Variants in TASP1 observed in about 807,000 individuals in gnomAD.
TASP1 encodes taspase 1, also known as threonine aspartase 1.
Under a neutral mutation model 56.6 loss-of-function variants are expected in TASP1, and 16 were observed. That is an observed-to-expected ratio of 0.28 (90% CI 0.19 to 0.43). The LOEUF is 0.43. TASP1 is among the 20% of genes least tolerant of loss of function. The pLI, the probability that TASP1 is intolerant of heterozygous loss-of-function variation, is 1.00. For synonymous variants in TASP1, 179 were observed against 184.2 expected (o/e 0.97, Z 0.23); for missense variants, 393 against 511.6 (o/e 0.77, Z 2.24).
intron 11 of TASP1, among the ~76,000 whole-genome samples, chr20:13,436,425 A>T (rs936680401): frequency 6.6e-6 from 1 of 152,048 alleles, no homozygotes. Context: ...CTGCAAGCCC[A>T]TAATCTTTAT....
At chr20:13,140,490 T>A in the TASP1 span, among the ~76,000 whole-genome samples, 142 of 152,318 alleles carry the variant, frequency 9.3e-4, no homozygotes, top group African/African-American at 3.0e-3. Flanking sequence ...AACTAGAGAC[T>A]TCCTATCAGG....
intron 11 of TASP1, among the ~76,000 whole-genome samples, chr20:13,440,604 A>G (rs561650049): frequency 1.3e-5 from 2 of 152,200 alleles, no homozygotes; most frequent in South Asian, 2.1e-4. Context: ...AAGAAATGAA[A>G]TGGAATCACA....
At chr20:13,315,325 G>A in the TASP1 span, among the ~76,000 whole-genome samples, 813 of 152,036 alleles carry the variant, frequency 5.3e-3, 8 homozygotes, top group African/African-American at 0.019. Context: ...ATAAGGCCAC[G>A]TAGAAAGGTA....
At chr20:13,532,084 C>T (rs1243615293) in intron 9 of TASP1, among the ~76,000 whole-genome samples, 1 of 152,040 alleles carries the variant, frequency 6.6e-6, no homozygotes, top group Non-Finnish European at 1.5e-5. Flanking sequence ...CTCTCACCTT[C>T]TCTACTTCTC....
intron 10 of TASP1, among the ~76,000 whole-genome samples, chr20:13,509,973 A>T (rs2044267605): frequency 6.6e-6 from 1 of 152,146 alleles, no homozygotes. Context: ...TCAAAAAACT[A>T]CCTACTGGGT....
At chr20:13,253,450 CTG>C in the TASP1 span, among the ~76,000 whole-genome samples, 13 of 152,180 alleles carry the variant, frequency 8.5e-5, no homozygotes, top group Non-Finnish European at 1.3e-4. Flanking sequence ...TTTGAGAGCG[CTG>C]TGTTTCCTGG....
chr20:13,270,714 G>A, the TASP1 span: 1 of 1,613,866 alleles, frequency 6.2e-7, no homozygotes, highest in South Asian at 1.1e-5. Flanking sequence ...TTCCAAAGCT[G>A]ATATCAATGG....
the TASP1 span, among the ~76,000 whole-genome samples, chr20:13,306,564 C>CAAAAAAAAAAAAAAAAAAAAGAAAAAA: frequency 3.1e-5 from 2 of 63,914 alleles, no homozygotes; most frequent in Non-Finnish European, 5.3e-5. Flanking sequence ...GGAGAAAGGA[C>CAAAAAAAAAAAAAAAAAAAAGAAAAAA]AAAAAAAAAA....
intron 4 of TASP1, among the ~76,000 whole-genome samples, chr20:13,606,920 C>T (rs2048182480): frequency 6.6e-6 from 1 of 150,712 alleles, no homozygotes; most frequent in South Asian, 2.1e-4. Flanking sequence ...AATGAATGAA[C>T]AGCAGTTAAT....
At chr20:13,117,758 C>A in the TASP1 span, 1 of 1,566,174 alleles carries the variant, frequency 6.4e-7, no homozygotes, top group Non-Finnish European at 8.7e-7. Context: ...CTGTTTAAAA[C>A]CTGAGCGCCC....
At chr20:13,616,123 T>C (rs1005439655) in intron 4 of TASP1, among the ~76,000 whole-genome samples, 2 of 151,842 alleles carry the variant, frequency 1.3e-5, no homozygotes, top group African/African-American at 4.8e-5. Flanking sequence ...ACACTATAAA[T>C]CCTAGGACCA....
chr20:13,234,057 T>C, the TASP1 span, among the ~76,000 whole-genome samples: 3 of 152,166 alleles, frequency 2.0e-5, no homozygotes, highest in African/African-American at 7.2e-5. Flanking sequence ...GCTTTTAGTG[T>C]ACTCATCACC....
chr20:13,226,514 T>C, the TASP1 span, among the ~76,000 whole-genome samples: 1 of 152,324 alleles, frequency 6.6e-6, no homozygotes, highest in East Asian at 1.9e-4. Flanking sequence ...TTTTATTTCT[T>C]CATGAATTTG....
intron 5 of TASP1, among the ~76,000 whole-genome samples, chr20:13,583,908 G>A (rs941965254): frequency 2.0e-5 from 3 of 151,982 alleles, no homozygotes; most frequent in South Asian, 2.1e-4. Context: ...GGTGAAACCC[G>A]TCTCTACTAA....
At chr20:13,620,142 T>A (rs1174316798) in intron 4 of TASP1, among the ~76,000 whole-genome samples, 1 of 152,148 alleles carries the variant, frequency 6.6e-6, no homozygotes, top group Non-Finnish European at 1.5e-5. Flanking sequence ...TGACATCATT[T>A]GTCTGCAGTG....
intron 13 of TASP1, among the ~76,000 whole-genome samples, chr20:13,407,615 A>G (rs930428435): frequency 1.3e-5 from 2 of 152,210 alleles, no homozygotes; most frequent in African/African-American, 4.8e-5. Context: ...GCTGGGTCAC[A>G]TGGTAACTCT....
At chr20:13,628,312 CCAA>C (rs1403187061) in intron 2 of TASP1, among the ~76,000 whole-genome samples, 1 of 152,144 alleles carries the variant, frequency 6.6e-6, no homozygotes, top group Admixed American at 6.5e-5. Context: ...TTTACACTTT[CCAA>C]ACACTCACTC....
rs184367328 is a variant in TASP1, at chr20:13,597,686, A to G, written c.283-10316T>C. 5.9e-5 allele frequency among the ~76,000 whole-genome samples: 9 copies of G among 152,338 alleles called. No individual in the cohort carries two copies. The East Asian group carries it at 1.7e-3, about 29-fold the overall frequency. ...AGTGTTGGAAGTTCTGGCCAGAGCA[A>G]TCAGGCAGGAGAAAGAAATAAAGGG... On this transcript the variant is annotated intron_variant, in intron 4 of 13. Coordinates refer to ENST00000337743, the MANE Select transcript of TASP1 (RefSeq NM_017714.3).
downstream of TASP1, among the ~76,000 whole-genome samples, chr20:13,387,599 T>C (rs1277313779): frequency 6.6e-6 from 1 of 152,248 alleles, no homozygotes; most frequent in Non-Finnish European, 1.5e-5. Flanking sequence ...GTCTTTGCTA[T>C]TGTGAATAGT....
Sources: gnomAD v4.1 joint callset for allele counts (sites outside exome capture counted in the v4.1 genomes callset) on GRCh38, gnomAD v4.1.1 for gene constraint, MANE v1.5 for transcripts, NCBI Gene and HGNC (gene_info 2026-07-23, HGNC 2026-07-21) for gene names.